AHCTF1: variants seen among roughly 807,000 people sequenced by gnomAD.
AHCTF1 encodes AT-hook containing transcription factor 1, also known as protein ELYS.
AHCTF1 carries 24 observed loss-of-function variants against 248.4 expected under a neutral mutation model. That is an observed-to-expected ratio of 0.10 (90% CI 0.07 to 0.14). AHCTF1 has a LOEUF of 0.14. Ranked by LOEUF, AHCTF1 falls within the 10% of genes least tolerant of loss-of-function variation. The pLI is 1.00. For missense variants in AHCTF1, 2,206 were observed against 2,636.2 expected (o/e 0.84, Z 3.57); for synonymous variants, 786 against 929.8 (o/e 0.85, Z 2.81).
chr1:246,862,411 T>TGGAGCTTG (rs1558224218), intron 27 of AHCTF1, among the ~76,000 whole-genome samples: 1 of 148,856 alleles, frequency 6.7e-6, no homozygotes, highest in Non-Finnish European at 1.5e-5. Context: ...ACCCGGGAGG[T>TGGAGCTTG]GGAGCTTGCA....
At chr1:246,920,705 G>T (rs1331031977) in intron 1 of AHCTF1, among the ~76,000 whole-genome samples, 2 of 151,632 alleles carry the variant, frequency 1.3e-5, no homozygotes, top group East Asian at 3.9e-4. Flanking sequence ...GGGAGGCGGA[G>T]CTTGCAGTGA....
intron 6 of AHCTF1, 115 bp from the exon 7 acceptor site, chr1:246,904,148 C>T: frequency 1.3e-6 from 1 of 774,952 alleles, no homozygotes. Flanking sequence ...AAACTAAAAT[C>T]ACTGTGAAAA....
chr1:246,925,194 T>G (rs1305881355), intron 1 of AHCTF1, among the ~76,000 whole-genome samples: 1 of 152,182 alleles, frequency 6.6e-6, no homozygotes, highest in African/African-American at 2.4e-5. Flanking sequence ...TGCAGTAGCT[T>G]TTTACAAAGT....
chr1:246,888,087 C>T, intron 19 of AHCTF1, 90 bp downstream of exon 19: 1 of 1,423,850 alleles, frequency 7.0e-7, no homozygotes, highest in African/African-American at 1.4e-5. Flanking sequence ...AAAATTCAAC[C>T]TTGCAATTAG....
chr1:246,883,540 T>C (rs548062458), intron 21 of AHCTF1, among the ~76,000 whole-genome samples: 26 of 152,342 alleles, frequency 1.7e-4, no homozygotes, highest in African/African-American at 5.5e-4. Context: ...TGCAAAATTA[T>C]CAGTTCAAAA....
At chr1:246,925,284 AT>A (rs1312107596) in intron 1 of AHCTF1, among the ~76,000 whole-genome samples, 1 of 152,238 alleles carries the variant, frequency 6.6e-6, no homozygotes, top group Non-Finnish European at 1.5e-5. Context: ...TCTCAATACA[AT>A]TTTGGAAAGA....
At position 246,890,813 on chromosome 1, in the gene AHCTF1, AAAG is replaced by A. The variant is rs1572422502; in HGVS notation, c.2050+140_2050+142del. ...ATACAAAGTAAGGAAAAATGTAAGA[AAAG>A]AAGGTTAAGCATAAATTAAATTAAG... On this transcript the variant is annotated intron_variant, in intron 16 of 35. Coordinates refer to ENST00000648844, the MANE Select transcript of AHCTF1 (RefSeq NM_001323342.2). 49 of 498,168 alleles carry A rather than the reference AAAG, an allele frequency of 9.8e-5. No individual in the cohort carries two copies. The East Asian group carries it at 1.7e-3, about 17-fold the overall frequency. 30.9% of individuals were successfully genotyped at this position (498,168 alleles called of 1,614,324 possible).
intron 1 of AHCTF1, among the ~76,000 whole-genome samples, chr1:246,922,202 A>C (rs1396157254): frequency 6.6e-6 from 1 of 152,182 alleles, no homozygotes; most frequent in African/African-American, 2.4e-5. Context: ...TCTACTAAAA[A>C]TACAAAAATC....
intron 4 of AHCTF1, 53 bp downstream of exon 4, chr1:246,913,179 G>T: frequency 2.1e-6 from 3 of 1,421,040 alleles, no homozygotes; most frequent in Admixed American, 2.4e-5. Context: ...AAAAAATATT[G>T]CATCAGAATA....
At chr1:246,918,483 A>C (rs1666300497) in intron 1 of AHCTF1, 106 bp from the exon 2 acceptor site, 1 of 1,145,728 alleles carries the variant, frequency 8.7e-7, no homozygotes, top group Admixed American at 3.3e-5. Flanking sequence ...AAAATAAAGA[A>C]AAACTAAAAT....
intron 14 of AHCTF1, among the ~76,000 whole-genome samples, chr1:246,892,301 CTTTTTTTTTTTTTTT>C (rs74163502): frequency 1.8e-4 from 12 of 64,974 alleles, no homozygotes; most frequent in African/African-American, 3.1e-4. Flanking sequence ...ATTTGTTTTA[CTTTTTTTTTTTTTTT>C]TTTTTTTTTT....
At position 246,867,763 on chromosome 1, in the gene AHCTF1, C is replaced by T; in HGVS notation, c.3137G>A (p.Gly1046Glu). Residue 1046 changes from glycine to glutamate, a missense_variant, in exon 25 of 36, where the codon GGA (glycine) becomes GAA (glutamate). Physicochemically the swap from Gly to Glu is moderately conservative, Grantham distance 98 (BLOSUM62 -2). Transcript: ENST00000648844. The stretch of plus-strand genomic sequence containing the variant: ...GAAAACAGATCTTGTCAACACAGTT[C>T]CTGTTACAACTTGCTTTGGAACTGC... ...LSAVPKQVVT[G>E]TVLTRSVFIN... is the part of the protein sequence containing the mutation. 6.2e-7 allele frequency: 1 copy of T among 1,612,382 alleles called. No homozygotes were observed. Among genetic ancestry groups the T allele is most frequent in the Non-Finnish European group, 8.5e-7 (1 of 1,179,076 alleles).
At position 246,931,948 on chromosome 1, in the gene AHCTF1, C is replaced by T. The variant is rs900344369; in HGVS notation, c.-378G>A. The T allele has an allele frequency of 6.6e-6, 1 of 152,612 alleles. No individual in the cohort carries two copies. Among genetic ancestry groups the T allele is most frequent in the African/African-American group, 2.4e-5 (1 of 41,468 alleles). The allele number at this position is 152,612 out of a possible 1,614,324, so 9.5% of individuals were successfully genotyped here. ...GCGCATTACCCTGCGCCGACAAAAC[C>T]GAGTTCCACACGCCCCGGAAGGGAG... is the stretch of plus-strand genomic sequence containing the variant. On this transcript the variant is annotated 5_prime_UTR_variant, in exon 1 of 36. Coordinates refer to ENST00000648844, the MANE Select transcript of AHCTF1 (RefSeq NM_001323342.2).
At chr1:246,930,024 C>T (rs562037432) in intron 1 of AHCTF1, among the ~76,000 whole-genome samples, 1 of 150,578 alleles carries the variant, frequency 6.6e-6, no homozygotes, top group South Asian at 2.1e-4. Flanking sequence ...TGCACTCCAG[C>T]CTGGGCAACA....
chr1:246,863,782 T>C (rs575931393), intron 27 of AHCTF1, 142 bp downstream of exon 27: 3 of 791,686 alleles, frequency 3.8e-6, no homozygotes, highest in Non-Finnish European at 4.1e-6. Context: ...TTTTAGAAGA[T>C]GTGAAAACAT....
At chr1:246,867,425 G>C in intron 25 of AHCTF1, 74 bp from the exon 26 acceptor site, 5 of 1,077,864 alleles carry the variant, frequency 4.6e-6, no homozygotes, top group Non-Finnish European at 6.7e-6. Context: ...TGGGAGAACA[G>C]AGGGTTTTCA....
At position 246,874,173 on chromosome 1, in the gene AHCTF1, TA is replaced by T. The variant is rs147575288; in HGVS notation, c.3088+1863del. Among the ~76,000 whole-genome samples the T allele has an allele frequency of 6.0e-3, 913 of 152,258 alleles. 2 individuals are homozygous for T. The highest frequency in any genetic ancestry group is 0.021 in the African/African-American group (858 of 41,550). ...AAGGGTGCCAAACTCCAGTTTCTAG[TA>T]TATACAAGTAGACATGCCAACAAAT... On this transcript the variant is annotated intron_variant, in intron 24 of 35. Transcript: ENST00000648844.
intron 35 of AHCTF1, among the ~76,000 whole-genome samples, chr1:246,841,502 T>C (rs1406820342): frequency 6.6e-6 from 1 of 152,208 alleles, no homozygotes. Flanking sequence ...CATTCACGTG[T>C]GCTTTTATTG....
rs973753592 is a variant in AHCTF1 at position 246,839,676 on chromosome 1, G to A, written c.*1130C>T. On this transcript the variant is annotated 3_prime_UTR_variant, in exon 36 of 36. Transcript: ENST00000648844. ...TATGCTTCACATTAAAATATTAAAA[G>A]CCCACGAAAGCAGTTCGTTTCTAGA... is the stretch of plus-strand genomic sequence containing the variant. 9 of 520,756 alleles carry A rather than the reference G, an allele frequency of 1.7e-5. No homozygotes were observed. Among genetic ancestry groups the A allele is most frequent in the Non-Finnish European group, 1.7e-5 (7 of 405,106 alleles). The allele number at this position is 520,756 out of a possible 1,614,324, so 32.3% of individuals were successfully genotyped here.
Sources: allele counts gnomAD v4.1 joint callset (sites outside exome capture counted in the v4.1 genomes callset), GRCh38; gene constraint gnomAD v4.1.1; transcripts MANE v1.5; gene names NCBI Gene and HGNC (gene_info 2026-07-23, HGNC 2026-07-21).